Variants in CALN1 observed in about 807,000 individuals in gnomAD.
CALN1 encodes the protein calneuron 1, also known as calcium-binding protein 8.
Under a neutral mutation model 30.6 loss-of-function variants are expected in CALN1, and 17 were observed. The observed-to-expected ratio is 0.56, with a 90% CI of 0.38 to 0.83. CALN1 has a LOEUF of 0.83. CALN1 is among the 40% of genes least tolerant of loss of function. CALN1 has a pLI of 0.00. For missense variants in CALN1, 291 were observed against 354.9 expected, an observed-to-expected ratio of 0.82 and a Z score of 1.45; for synonymous variants, 156 against 131.4, an observed-to-expected ratio of 1.19 and a Z score of -1.28.
chr7:71,903,091 C>T (rs1182919438), intron 5 of CALN1, among the ~76,000 whole-genome samples: 2 of 151,598 alleles, frequency 1.3e-5, no homozygotes, highest in Non-Finnish European at 2.9e-5. Flanking sequence ...TTAACGGGTA[C>T]AATATACTCT....
chr7:72,023,623 C>A (rs1315982262), intron 5 of CALN1, 34 bp downstream of exon 5: 1 of 1,537,482 alleles, frequency 6.5e-7, no homozygotes, highest in South Asian at 1.1e-5. Flanking sequence ...CATTTACTGT[C>A]AAACTTAGTC....
intron 2 of CALN1, chr7:72,337,874 T>G (rs1802171787): frequency 6.6e-6 from 1 of 152,376 alleles, no homozygotes; most frequent in Non-Finnish European, 1.5e-5. Context: ...AGAGGGCGCT[T>G]GGGCAGAGGT....
intron 2 of CALN1, among the ~76,000 whole-genome samples, chr7:72,394,391 A>T (rs1489720360): frequency 6.6e-6 from 1 of 152,198 alleles, no homozygotes; most frequent in Non-Finnish European, 1.5e-5. Flanking sequence ...CTATGCTTGC[A>T]CAAGTTTGTA....
At chr7:72,234,280 G>A (rs1308661907) in intron 3 of CALN1, among the ~76,000 whole-genome samples, 1 of 152,108 alleles carries the variant, frequency 6.6e-6, no homozygotes, top group Non-Finnish European at 1.5e-5. Flanking sequence ...AACTTCCCCG[G>A]GAGCCCAGCC....
At chr7:72,367,111 A>T (rs936727959) in intron 2 of CALN1, among the ~76,000 whole-genome samples, 6 of 63,414 alleles carry the variant, frequency 9.5e-5, no homozygotes, top group Admixed American at 4.7e-4. Context: ...TTTAATAATA[A>T]AAAAAAACAG....
At chr7:72,338,290 G>A (rs1191474588) in intron 2 of CALN1, among the ~76,000 whole-genome samples, 1 of 152,076 alleles carries the variant, frequency 6.6e-6, no homozygotes, top group Non-Finnish European at 1.5e-5. Context: ...CTGCTCACCA[G>A]CTCAGATGTC....
chr7:72,308,532 T>C (rs1291220192), intron 2 of CALN1, among the ~76,000 whole-genome samples: 2 of 152,166 alleles, frequency 1.3e-5, no homozygotes, highest in Non-Finnish European at 1.5e-5. Flanking sequence ...GTTTGCTGAA[T>C]GCACGAATGA....
At chr7:72,287,468 CAG>C (rs1278488703) in intron 2 of CALN1, among the ~76,000 whole-genome samples, 7 of 97,318 alleles carry the variant, frequency 7.2e-5, no homozygotes, top group South Asian at 3.5e-4. Flanking sequence ...TTTTTTGAGA[CAG>C]AGTCTCGGCT....
intron 4 of CALN1, among the ~76,000 whole-genome samples, chr7:72,042,080 A>C (rs1225567336): frequency 1.3e-5 from 2 of 152,200 alleles, no homozygotes; most frequent in Non-Finnish European, 2.9e-5. Flanking sequence ...CAGCACCAGA[A>C]TTTTTATAAA....
Position 72,021,426 on chromosome 7 carries a change from C to T in CALN1, c.501+2231G>A, listed in dbSNP as rs573681700. On this transcript the variant is annotated intron_variant, in intron 5 of 6. Transcript: ENST00000395275. The stretch of plus-strand genomic sequence containing the variant: ...GGTCAAAAGATGGCCAGATGGGAAA[C>T]AATATTCCTTCATCTTCTGAACTCT... Among the ~76,000 whole-genome samples, 6 of 152,220 alleles carry T rather than the reference C, an allele frequency of 3.9e-5. No homozygotes were observed. The South Asian group carries it at 1.2e-3, about 32-fold the overall frequency.
chr7:72,491,723 T>C, the CALN1 span, among the ~76,000 whole-genome samples: 1 of 152,182 alleles, frequency 6.6e-6, no homozygotes, highest in South Asian at 2.1e-4. Flanking sequence ...TTAGCTGCAA[T>C]GGGGAGGTAG....
intron 4 of CALN1, among the ~76,000 whole-genome samples, chr7:72,072,358 T>C (rs1480271158): frequency 6.6e-6 from 1 of 152,180 alleles, no homozygotes; most frequent in African/African-American, 2.4e-5. Context: ...AGTGGGCTGA[T>C]ATAGCCAATG....
intron 3 of CALN1, among the ~76,000 whole-genome samples, chr7:72,190,721 T>C (rs1367477968): frequency 6.6e-6 from 1 of 152,222 alleles, no homozygotes; most frequent in Non-Finnish European, 1.5e-5. Context: ...TTGAAAGACT[T>C]AGCTGGCATT....
chr7:72,116,097 C>G (rs1428128475), intron 3 of CALN1, among the ~76,000 whole-genome samples: 1 of 151,964 alleles, frequency 6.6e-6, no homozygotes, highest in Non-Finnish European at 1.5e-5. Flanking sequence ...GATTGTGACT[C>G]CTTAGGTGAT....
At chr7:71,862,877 G>A (rs908470394) in intron 5 of CALN1, among the ~76,000 whole-genome samples, 3 of 152,144 alleles carry the variant, frequency 2.0e-5, no homozygotes, top group African/African-American at 7.2e-5. Context: ...TCCAGCAAGT[G>A]GACAGAGAAG....
Position 71,837,243 on chromosome 7 carries a change from C to CAAAAAAAAAAAA in CALN1, c.502-26763_502-26752dup, listed in dbSNP as rs55977265. On this transcript the variant is annotated intron_variant, in intron 5 of 6. Transcript: ENST00000395275. ...CGAAACTCCATCTCAAAAAAAAAGA[C>CAAAAAAAAAAAA]AAAAAAAAAAAAAAAAAAAAAAGCC... Among the ~76,000 whole-genome samples, 242 of 79,104 alleles carry CAAAAAAAAAAAA rather than the reference C, an allele frequency of 3.1e-3. 2 individuals are homozygous for CAAAAAAAAAAAA. The highest frequency in any genetic ancestry group is 4.7e-3 in the East Asian group (9 of 1,896). 51.9% of individuals were successfully genotyped at this position (79,104 alleles called of 152,430 possible).
intron 4 of CALN1, among the ~76,000 whole-genome samples, chr7:72,081,417 G>GTGTGTGTGTGTC (rs145997789): frequency 1.4e-5 from 2 of 146,286 alleles, no homozygotes; most frequent in East Asian, 4.2e-4. Context: ...GTGTGTGTGT[G>GTGTGTGTGTGTC]TGTGTGTTTG....
intron 3 of CALN1, among the ~76,000 whole-genome samples, chr7:72,220,020 A>ATT (rs35625397): frequency 1.7e-4 from 26 of 150,694 alleles, no homozygotes; most frequent in East Asian, 1.9e-4. Flanking sequence ...ATTGGCAACA[A>ATT]TTTTTTTTTT....
intron 5 of CALN1, among the ~76,000 whole-genome samples, chr7:71,966,271 T>C (rs911425947): frequency 1.3e-5 from 2 of 152,236 alleles, no homozygotes; most frequent in Non-Finnish European, 2.9e-5. Context: ...AGTGGCAAGC[T>C]GGACATGGCC....
Sources: gnomAD v4.1 joint callset for allele counts (sites outside exome capture counted in the v4.1 genomes callset) on GRCh38, gnomAD v4.1.1 for gene constraint, MANE v1.5 for transcripts, NCBI Gene and HGNC (gene_info 2026-07-23, HGNC 2026-07-21) for gene names.